The following PAH variants were observed in gnomAD, a reference collection of about 807,000 sequenced individuals.
PAH encodes phenylalanine hydroxylase, also known as phenylalanine-4-hydroxylase.
PAH carries 64 observed loss-of-function variants against 62.0 expected under a neutral mutation model. The observed-to-expected ratio is 1.03, with a 90% CI of 0.84 to 1.27. The LOEUF is 1.27. PAH is among the 50% of genes most tolerant of loss of function. PAH has a pLI of 0.00. For missense variants in PAH, 579 were observed against 542.8 expected (o/e 1.07, Z -0.66); for synonymous variants, 195 against 196.2 (o/e 0.99, Z 0.05).
At chr12:102,876,085 A>T (rs1876554186) in intron 4 of PAH, among the ~76,000 whole-genome samples, 1 of 151,756 alleles carries the variant, frequency 6.6e-6, no homozygotes, top group African/African-American at 2.4e-5. Context: ...GAGGAAATTC[A>T]CCTTTGTTTC....
At chr12:102,841,880 A>G (rs1048282236) in intron 11 of PAH, among the ~76,000 whole-genome samples, 1 of 152,220 alleles carries the variant, frequency 6.6e-6, no homozygotes, top group African/African-American at 2.4e-5. Flanking sequence ...AACCATGCTC[A>G]GCCAATCACA....
At chr12:102,954,926 G>T (rs186169190), upstream of PAH, among the ~76,000 whole-genome samples, 5 of 152,198 alleles carry the variant, frequency 3.3e-5, no homozygotes, top group East Asian at 1.9e-4. Context: ...TTACTTGAGT[G>T]GGGGGAGGAG....
intron 3 of PAH, among the ~76,000 whole-genome samples, chr12:102,892,643 G>A (rs1208493366): frequency 6.6e-6 from 1 of 152,172 alleles, no homozygotes; most frequent in Non-Finnish European, 1.5e-5. Context: ...AGAAAGACAT[G>A]GAGGATTTGT....
At chr12:102,917,019 C>T in intron 1 of PAH, 52 bp downstream of exon 1, 9 of 1,546,706 alleles carry the variant, frequency 5.8e-6, no homozygotes, top group Non-Finnish European at 8.0e-6. Context: ...GGATCTCTTT[C>T]TCTGGAGGCC....
At chr12:102,897,578 C>T (rs117884472) in intron 2 of PAH, among the ~76,000 whole-genome samples, 2,726 of 151,582 alleles carry the variant, frequency 0.018, 39 homozygotes, top group Middle Eastern at 0.038. Context: ...AATGTTGGAA[C>T]ATCACAAGTA....
At chr12:102,867,268 G>C (rs1876021531) in intron 4 of PAH, among the ~76,000 whole-genome samples, 1 of 152,166 alleles carries the variant, frequency 6.6e-6, no homozygotes, top group Non-Finnish European at 1.5e-5. Flanking sequence ...GTGAGGCTGG[G>C]ATTTGGATCA....
At chr12:102,845,199 A>T (rs893343351) in intron 9 of PAH, among the ~76,000 whole-genome samples, 1 of 152,126 alleles carries the variant, frequency 6.6e-6, no homozygotes, top group Non-Finnish European at 1.5e-5. Flanking sequence ...CTATCTAGTC[A>T]CCTGTTGAGT....
intron 2 of PAH, among the ~76,000 whole-genome samples, chr12:102,904,357 A>C (rs1330919031): frequency 1.3e-5 from 2 of 152,234 alleles, no homozygotes; most frequent in African/African-American, 4.8e-5. Flanking sequence ...CTAAAACAGC[A>C]TGAGTTTAGT....
intron 5 of PAH, among the ~76,000 whole-genome samples, chr12:102,865,891 T>A (rs2136662270): frequency 6.6e-6 from 1 of 152,298 alleles, no homozygotes; most frequent in Non-Finnish European, 1.5e-5. Context: ...TTAAGTTTCT[T>A]CTTGTGCATG....
chr12:102,932,710 A>T (rs926981038), intron 1 of PAH, among the ~76,000 whole-genome samples: 5 of 152,218 alleles, frequency 3.3e-5, no homozygotes, highest in African/African-American at 1.2e-4. Flanking sequence ...AGTTCATGAA[A>T]GGAGGCAAAG....
At chr12:102,910,387 T>TG (rs377282976) in intron 2 of PAH, among the ~76,000 whole-genome samples, 70 of 149,426 alleles carry the variant, frequency 4.7e-4, no homozygotes, top group Middle Eastern at 3.4e-3. Context: ...TTTTTTTTTT[T>TG]GGGGAGGGAG....
intron 1 of PAH, among the ~76,000 whole-genome samples, chr12:102,927,417 T>A (rs1878716179): frequency 6.6e-6 from 1 of 151,772 alleles, no homozygotes; most frequent in South Asian, 2.1e-4. Flanking sequence ...TTCTGTCTCC[T>A]CTCCTGGACT....
intron 10 of PAH, 87 bp from the exon 11 acceptor site, chr12:102,843,866 C>T: frequency 2.1e-6 from 3 of 1,409,962 alleles, no homozygotes; most frequent in Non-Finnish European, 3.0e-6. Flanking sequence ...TGTGCCCCTT[C>T]TCTCATCTCA....
At position 102,865,704 on chromosome 12, in the gene PAH, T is replaced by C. The variant is rs577134205; in HGVS notation, c.509+892A>G. ...AGATCTGACTAAAGACAGCACATTTTTGAATTCTTCCACTACCAAAAGTCA... is the reference window on the plus strand; with the variant it reads ...AGATCTGACTAAAGACAGCACATTTCTGAATTCTTCCACTACCAAAAGTCA... On this transcript the variant is annotated intron_variant, in intron 5 of 12. Coordinates refer to ENST00000553106, the MANE Select transcript of PAH (RefSeq NM_000277.3). Among the ~76,000 whole-genome samples, 3 of 152,312 alleles carry C rather than the reference T, an allele frequency of 2.0e-5. No homozygotes were observed. The East Asian group carries it at 5.8e-4, about 29-fold the overall frequency.
intron 3 of PAH, among the ~76,000 whole-genome samples, chr12:102,880,942 A>AT (rs1338214522): frequency 1.3e-5 from 2 of 150,784 alleles, no homozygotes; most frequent in Non-Finnish European, 3.0e-5. Flanking sequence ...TAAAATTACA[A>AT]TTGCATAAAA....
chr12:102,909,753 G>A (rs1878128618), intron 2 of PAH, among the ~76,000 whole-genome samples: 4 of 152,202 alleles, frequency 2.6e-5, no homozygotes, highest in Admixed American at 2.6e-4. Context: ...GAGTCCAGGA[G>A]TTCCAGATCA....
intron 4 of PAH, among the ~76,000 whole-genome samples, chr12:102,871,533 TTAA>T (rs1296327436): frequency 1.3e-5 from 2 of 152,158 alleles, no homozygotes; most frequent in African/African-American, 4.8e-5. Flanking sequence ...CTCACATATG[TTAA>T]TAATGATTAA....
chr12:102,911,082 C>T (rs938401973), intron 2 of PAH, among the ~76,000 whole-genome samples: 6 of 152,220 alleles, frequency 3.9e-5, no homozygotes, highest in East Asian at 1.9e-4. Context: ...AGCAGGTCCA[C>T]GGAAATGGAA....
At chr12:102,862,537 C>T (rs1226325389) in intron 5 of PAH, among the ~76,000 whole-genome samples, 1 of 152,116 alleles carries the variant, frequency 6.6e-6, no homozygotes, top group Non-Finnish European at 1.5e-5. Flanking sequence ...CCCATGTACC[C>T]TTGAACTTAA....
Sources: gnomAD v4.1 joint callset for allele counts (sites outside exome capture counted in the v4.1 genomes callset) on GRCh38, gnomAD v4.1.1 for gene constraint, MANE v1.5 for transcripts, NCBI Gene and HGNC (gene_info 2026-07-23, HGNC 2026-07-21) for gene names.